The following ZNF267 variants were observed in gnomAD, a reference collection of about 807,000 sequenced individuals.
The protein encoded by ZNF267 is zinc finger protein 267, also known as zinc finger (C2H2).
ZNF267 carries 61 observed loss-of-function variants against 71.6 expected under a neutral mutation model. The observed-to-expected ratio is 0.85, with a 90% CI of 0.69 to 1.05. ZNF267 has a LOEUF of 1.05. Among genes scored for constraint, ZNF267 ranks in the 50% least tolerant of loss-of-function variants. The probability of loss-of-function intolerance (pLI) is 0.00; values close to 1 mark genes in which losing one functional copy is unlikely to be tolerated. For missense variants in ZNF267, 852 were observed against 870.0 expected, an observed-to-expected ratio of 0.98 and a Z score of 0.26; for synonymous variants, 288 against 293.2, an observed-to-expected ratio of 0.98 and a Z score of 0.18.
intron 3 of ZNF267, among the ~76,000 whole-genome samples, chr16:31,903,572 C>A (rs540454775): frequency 3.4e-4 from 52 of 152,082 alleles, no homozygotes; most frequent in African/African-American, 1.2e-3. Flanking sequence ...AGTTTATTTG[C>A]GTAGAGGTGT....
intron 3 of ZNF267, among the ~76,000 whole-genome samples, chr16:31,886,389 ACTGCCTGATCG>A (rs2083924639): frequency 6.6e-6 from 1 of 152,224 alleles, no homozygotes; most frequent in Admixed American, 6.5e-5. Context: ...AGCAAGCATT[ACTGCCTGATCG>A]CTGCCTCCTC....
intron 1 of ZNF267, among the ~76,000 whole-genome samples, chr16:31,875,856 C>T (rs2083848683): frequency 6.6e-6 from 1 of 152,072 alleles, no homozygotes; most frequent in African/African-American, 2.4e-5. Context: ...TTTCCAAGGC[C>T]ATGAAAGGTG....
chr16:31,894,506 T>C (rs2083983299), intron 3 of ZNF267: 1 of 498,816 alleles, frequency 2.0e-6, no homozygotes, highest in Non-Finnish European at 4.0e-6. Flanking sequence ...TCTTTGTGTG[T>C]GACACCTAAT....
chr16:31,882,585 A>C (rs553372077), intron 1 of ZNF267, among the ~76,000 whole-genome samples: 2 of 152,314 alleles, frequency 1.3e-5, no homozygotes, highest in South Asian at 4.1e-4. Flanking sequence ...CTTGAGAGGC[A>C]ATGCTTAGCT....
chr16:31,878,595 C>T (rs1462483970), intron 1 of ZNF267, among the ~76,000 whole-genome samples: 1 of 149,488 alleles, frequency 6.7e-6, no homozygotes, highest in African/African-American at 2.5e-5. Context: ...TGTGGACCAT[C>T]CAATCATAAT....
intron 1 of ZNF267, among the ~76,000 whole-genome samples, chr16:31,882,181 G>C (rs937818666): frequency 6.6e-5 from 10 of 152,170 alleles, no homozygotes; most frequent in African/African-American, 2.4e-4. Context: ...AGTACATACT[G>C]TGAGCACATA....
At chr16:31,881,696 C>T (rs1233355780) in intron 1 of ZNF267, among the ~76,000 whole-genome samples, 6 of 142,208 alleles carry the variant, frequency 4.2e-5, no homozygotes, top group Admixed American at 7.1e-5. Flanking sequence ...TTTTTGAGAC[C>T]GAATCTCACT....
chr16:31,914,816 A>G lies in ZNF267; in HGVS notation c.567A>G (p.Ile189Met). ...EEIDIWGKHHIYDKTSVLFRQ... is the reference protein window; with the variant it reads ...EEIDIWGKHHMYDKTSVLFRQ... ...TAGATATTTGGGGAAAACATCACAT[A>G]TATGATAAAACTTCAGTGTTATTTA... is the stretch of plus-strand genomic sequence containing the variant. The change falls in exon 4 of 4, where the codon ATA (isoleucine) becomes ATG (methionine). Residue 189 changes from isoleucine (I) to methionine (M), a missense_variant. Ile to Met is a conservative substitution (Grantham distance 10, BLOSUM62 1). Coordinates refer to ENST00000300870, the MANE Select transcript of ZNF267 (RefSeq NM_003414.6). 1 of 1,611,808 alleles carries G rather than the reference A, an allele frequency of 6.2e-7. No individual in the cohort carries two copies. The highest frequency in any genetic ancestry group is 1.1e-5 in the South Asian group (1 of 90,334).
At chr16:31,877,721 G>C (rs1567470711) in intron 1 of ZNF267, among the ~76,000 whole-genome samples, 1 of 152,126 alleles carries the variant, frequency 6.6e-6, no homozygotes, top group Non-Finnish European at 1.5e-5. Context: ...TAATAGGGTT[G>C]TTTTTTGCAG....
At chr16:31,885,872 T>A (rs1229215116) in intron 3 of ZNF267, among the ~76,000 whole-genome samples, 2 of 152,180 alleles carry the variant, frequency 1.3e-5, no homozygotes, top group African/African-American at 4.8e-5. Flanking sequence ...AGATGAGAAA[T>A]TTAAACTCTA....
intron 3 of ZNF267, among the ~76,000 whole-genome samples, chr16:31,906,317 C>T (rs1416743398): frequency 6.6e-6 from 1 of 152,224 alleles, no homozygotes; most frequent in Non-Finnish European, 1.5e-5. Context: ...CAGACAGGGA[C>T]ATTTAAGTCT....
In ZNF267 at chr16:31,882,900, C is replaced by T. The variant is rs533637814; in HGVS notation, c.4-1598C>T. 5.3e-5 allele frequency among the ~76,000 whole-genome samples: 8 copies of T among 152,288 alleles called. No homozygotes were observed. In the East Asian group the frequency reaches 1.4e-3, roughly 26 times the overall value. On this transcript the variant is annotated intron_variant, in intron 1 of 3. Coordinates refer to ENST00000300870, the MANE Select transcript of ZNF267 (RefSeq NM_003414.6). ...ATGAGTATCTAGGAGGGAGGATTTA[C>T]TGAGTGATGTCTATAAACCATCACA... is the stretch of plus-strand genomic sequence containing the variant.
chr16:31,904,339 C>G (rs1311147205), intron 3 of ZNF267, among the ~76,000 whole-genome samples: 1 of 152,156 alleles, frequency 6.6e-6, no homozygotes, highest in East Asian at 1.9e-4. Context: ...TCCTGGATAT[C>G]CTTGTTAACT....
chr16:31,891,719 GGCCTCCTCA>G (rs2083961770), intron 3 of ZNF267, among the ~76,000 whole-genome samples: 1 of 152,174 alleles, frequency 6.6e-6, no homozygotes, highest in Non-Finnish European at 1.5e-5. Context: ...ATGATTGTGA[GGCCTCCTCA>G]GCCATGTGGA....
intron 1 of ZNF267, among the ~76,000 whole-genome samples, chr16:31,875,683 C>T (rs1193375003): frequency 6.6e-6 from 1 of 152,204 alleles, no homozygotes; most frequent in East Asian, 1.9e-4. Flanking sequence ...AGGAGAATGT[C>T]TCAAATGATA....
chr16:31,875,213 G>A, intron 1 of ZNF267: 1 of 1,289,128 alleles, frequency 7.8e-7, no homozygotes, highest in Non-Finnish European at 1.0e-6. Context: ...AACTGTCTGG[G>A]ATGACTCAAG....
At chr16:31,896,650 C>T (rs1397855387) in intron 3 of ZNF267, among the ~76,000 whole-genome samples, 1 of 152,062 alleles carries the variant, frequency 6.6e-6, no homozygotes, top group Non-Finnish European at 1.5e-5. Flanking sequence ...TGTTTGGTGC[C>T]AGTACAATAC....
At chr16:31,899,413 A>T (rs929283186) in intron 3 of ZNF267, among the ~76,000 whole-genome samples, 2 of 152,238 alleles carry the variant, frequency 1.3e-5, no homozygotes, top group African/African-American at 4.8e-5. Flanking sequence ...GAAACTGAAC[A>T]ACCTGCTCCT....
chr16:31,902,295 A>G (rs1567236173), intron 3 of ZNF267, among the ~76,000 whole-genome samples: 1 of 151,982 alleles, frequency 6.6e-6, no homozygotes, highest in Non-Finnish European at 1.5e-5. Context: ...TTGGTTCCAT[A>G]TGATCTTTAA....
Sources: allele counts gnomAD v4.1 joint callset (sites outside exome capture counted in the v4.1 genomes callset), GRCh38; gene constraint gnomAD v4.1.1; transcripts MANE v1.5; gene names NCBI Gene and HGNC (gene_info 2026-07-23, HGNC 2026-07-21).